Variants in ZNF710 observed in about 807,000 individuals in gnomAD.
The protein encoded by ZNF710 is zinc finger protein 710.
Under a neutral mutation model 50.6 loss-of-function variants are expected in ZNF710, and 13 were observed. The observed-to-expected ratio is 0.26, with a 90% CI of 0.17 to 0.41. The LOEUF is 0.41. Ranked by LOEUF, ZNF710 falls within the 10% of genes least tolerant of loss-of-function variation. The pLI, the probability that ZNF710 is intolerant of heterozygous loss-of-function variation, is 1.00. For synonymous variants in ZNF710, 383 were observed against 397.0 expected (o/e 0.96, Z 0.42); for missense variants, 721 against 936.6 (o/e 0.77, Z 3.01).
At chr15:90,064,651 C>A (rs189011074) in intron 1 of ZNF710, among the ~76,000 whole-genome samples, 1 of 152,140 alleles carries the variant, frequency 6.6e-6, no homozygotes. Flanking sequence ...CCACGCCCGG[C>A]TAATTTTTGT....
intron 1 of ZNF710, among the ~76,000 whole-genome samples, chr15:90,060,315 G>A (rs963252214): frequency 1.3e-5 from 2 of 152,236 alleles, no homozygotes; most frequent in Admixed American, 6.5e-5. Flanking sequence ...CACTTTGGGA[G>A]GCCAAGGTGA....
intron 1 of ZNF710, among the ~76,000 whole-genome samples, chr15:90,028,479 G>A (rs1378407622): frequency 1.3e-5 from 2 of 152,162 alleles, no homozygotes; most frequent in African/African-American, 4.8e-5. Flanking sequence ...CATTTATTGT[G>A]GATCATGCCC....
intron 1 of ZNF710, among the ~76,000 whole-genome samples, chr15:90,004,280 T>C (rs1345539883): frequency 1.6e-4 from 24 of 152,190 alleles, no homozygotes; most frequent in Non-Finnish European, 2.8e-4. Flanking sequence ...CCCAGAGATA[T>C]TTCTAGCAGA....
chr15:90,036,531 A>T (rs1899132230), intron 1 of ZNF710, among the ~76,000 whole-genome samples: 1 of 152,014 alleles, frequency 6.6e-6, no homozygotes, highest in African/African-American at 2.4e-5. Flanking sequence ...GTGAGCATTC[A>T]TCACTCACCA....
chr15:90,024,308 T>C (rs1482902526), intron 1 of ZNF710, among the ~76,000 whole-genome samples: 2 of 152,206 alleles, frequency 1.3e-5, no homozygotes, highest in Non-Finnish European at 2.9e-5. Context: ...CAGGATGCTC[T>C]TCCCCTGACT....
chr15:90,021,733 G>T (rs1214108008), intron 1 of ZNF710, among the ~76,000 whole-genome samples: 1 of 152,176 alleles, frequency 6.6e-6, no homozygotes, highest in African/African-American at 2.4e-5. Flanking sequence ...CTGGGGGCAG[G>T]GGGCTGTAGG....
At chr15:90,030,350 AAAAG>A (rs1219096659) in intron 1 of ZNF710, among the ~76,000 whole-genome samples, 4 of 150,646 alleles carry the variant, frequency 2.7e-5, no homozygotes, top group African/African-American at 4.9e-5. Flanking sequence ...AAAAAAAAAA[AAAAG>A]AAAGAATTAG....
chr15:90,052,110 C>T (rs1899663491), intron 1 of ZNF710, among the ~76,000 whole-genome samples: 1 of 152,106 alleles, frequency 6.6e-6, no homozygotes, highest in Non-Finnish European at 1.5e-5. Flanking sequence ...CTGAGCCAGC[C>T]TTTTAGTGGA....
chr15:90,018,855 AGGT>A (rs1010332811), intron 1 of ZNF710, among the ~76,000 whole-genome samples: 1 of 151,480 alleles, frequency 6.6e-6, no homozygotes, highest in African/African-American at 2.4e-5. Context: ...AAATATTCTT[AGGT>A]GGATTTAAGA....
intron 1 of ZNF710, among the ~76,000 whole-genome samples, chr15:90,047,743 C>T (rs914063807): frequency 2.6e-5 from 4 of 151,880 alleles, no homozygotes; most frequent in African/African-American, 9.7e-5. Flanking sequence ...ACCACCGCAC[C>T]GGGCTGATTT....
intron 4 of ZNF710, among the ~76,000 whole-genome samples, chr15:90,077,876 C>T (rs112549371): frequency 0.39 from 59,412 of 151,496 alleles, 12,098 homozygotes; most frequent in East Asian, 0.67. Context: ...ACCACTGCAC[C>T]CCAGCCTTGG....
At chr15:90,021,889 C>G (rs552860852) in intron 1 of ZNF710, among the ~76,000 whole-genome samples, 3 of 152,182 alleles carry the variant, frequency 2.0e-5, no homozygotes, top group African/African-American at 7.2e-5. Context: ...AGTTCAAGAC[C>G]AGGTGAACAT....
Position 90,067,315 on chromosome 15 carries a change from G to C in ZNF710, c.178G>C (p.Glu60Gln). ...TTCAGGGGCAGCCATGGGAGAGCCCGAGCCACCAGGCCCCGACGTCTACCA... is the reference window on the plus strand; with the variant it reads ...TTCAGGGGCAGCCATGGGAGAGCCCCAGCCACCAGGCCCCGACGTCTACCA... ...ELSGAAMGEP[E>Q]PPGPDVYQLA... The change falls in exon 2 of 5, where the codon GAG (glutamate) becomes CAG (glutamine). Residue 60 changes from glutamate to glutamine, a missense_variant. Glu to Gln is a conservative substitution (Grantham distance 29). Coordinates refer to ENST00000268154, the MANE Select transcript of ZNF710 (RefSeq NM_198526.4). The surrounding 1 kb of genome is among the most constrained non-coding windows in gnomAD (Gnocchi z 8.1). 2 of 1,608,032 alleles carry C rather than the reference G, an allele frequency of 1.2e-6. No individual in the cohort carries two copies. Among genetic ancestry groups the C allele is most frequent in the South Asian group, 2.2e-5 (2 of 90,240 alleles).
intron 1 of ZNF710, among the ~76,000 whole-genome samples, chr15:90,045,576 G>A (rs1899434147): frequency 2.0e-5 from 3 of 152,116 alleles, no homozygotes. Flanking sequence ...CGTGGCCTGT[G>A]AGCTCAGAGA....
At chr15:89,999,897 A>G (rs969269404), upstream of ZNF710, among the ~76,000 whole-genome samples, 11 of 151,736 alleles carry the variant, frequency 7.2e-5, no homozygotes, top group African/African-American at 2.7e-4. Flanking sequence ...GGAGCCAAGG[A>G]GATGCAGCCG....
intron 1 of ZNF710, among the ~76,000 whole-genome samples, chr15:90,061,331 G>C (rs1297979310): frequency 6.8e-6 from 1 of 146,376 alleles, no homozygotes; most frequent in African/African-American, 2.8e-5. Context: ...ACCACACTTA[G>C]CTAATTTTTG....
chr15:90,070,452 A>G (rs908780649), intron 2 of ZNF710, among the ~76,000 whole-genome samples: 2 of 151,688 alleles, frequency 1.3e-5, no homozygotes, highest in African/African-American at 2.4e-5. Context: ...CAGGAGAATC[A>G]CTTGAGCCCA....
chr15:90,008,441 C>CATATAT (rs1011267136), intron 1 of ZNF710, among the ~76,000 whole-genome samples: 1 of 126,512 alleles, frequency 7.9e-6, no homozygotes, highest in African/African-American at 3.8e-5. Context: ...TATATATATA[C>CATATAT]ATATATATAT....
At chr15:90,037,134 T>C (rs762112435) in intron 1 of ZNF710, among the ~76,000 whole-genome samples, 10 of 152,032 alleles carry the variant, frequency 6.6e-5, no homozygotes, top group Admixed American at 2.0e-4. Flanking sequence ...GGGTGGAGTG[T>C]CTCAATCCTG....
Sources: allele counts gnomAD v4.1 joint callset (sites outside exome capture counted in the v4.1 genomes callset), GRCh38; gene constraint gnomAD v4.1.1; non-coding constraint Gnocchi (gnomAD v3.1); transcripts MANE v1.5; gene names NCBI Gene and HGNC (gene_info 2026-07-23, HGNC 2026-07-21).